Variants in CSMD2 observed in about 807,000 individuals in gnomAD.
The protein encoded by CSMD2 is CUB and Sushi multiple domains 2.
Under a neutral mutation model 398.5 loss-of-function variants are expected in CSMD2, and 130 were observed. That is an observed-to-expected ratio of 0.33 (90% CI 0.28 to 0.38). The LOEUF is 0.38. Ranked by LOEUF, CSMD2 falls within the 10% of genes least tolerant of loss-of-function variation. The pLI, the probability that CSMD2 is intolerant of heterozygous loss-of-function variation, is 1.00. For synonymous variants in CSMD2, 1,828 were observed against 1,908.5 expected, an observed-to-expected ratio of 0.96 and a Z score of 1.10; for missense variants, 3,829 against 4,764.9, an observed-to-expected ratio of 0.80 and a Z score of 5.78.
At chr1:34,057,733 C>G (rs575253391) in intron 2 of CSMD2, among the ~76,000 whole-genome samples, 1 of 152,210 alleles carries the variant, frequency 6.6e-6, no homozygotes, top group Non-Finnish European at 1.5e-5. Context: ...TCCAGCTCTG[C>G]CCACCCAGAC....
intron 6 of CSMD2, among the ~76,000 whole-genome samples, chr1:33,845,104 G>A (rs944185555): frequency 6.6e-6 from 1 of 152,018 alleles, no homozygotes; most frequent in Admixed American, 6.5e-5. Flanking sequence ...TTTTACAGTG[G>A]GGTGGGATGA....
intron 11 of CSMD2, among the ~76,000 whole-genome samples, chr1:33,790,691 CTATCTATCTATCATCT>C (rs558856411): frequency 6.0e-5 from 8 of 134,120 alleles, no homozygotes; most frequent in African/African-American, 2.5e-4. Context: ...ATCTATCTAT[CTATCTATCTATCATCT>C]ATCTGTCTAT....
At chr1:33,827,023 T>A (rs1430417948) in intron 6 of CSMD2, among the ~76,000 whole-genome samples, 3 of 152,166 alleles carry the variant, frequency 2.0e-5, no homozygotes, top group African/African-American at 7.2e-5. Context: ...ACACAATCCA[T>A]CAGAAAATCC....
intron 3 of CSMD2, among the ~76,000 whole-genome samples, chr1:33,959,660 C>T (rs974645529): frequency 6.6e-6 from 1 of 152,166 alleles, no homozygotes; most frequent in African/African-American, 2.4e-5. Context: ...TCAGGTGGCT[C>T]CTCACACCTG....
At chr1:34,072,756 C>T (rs938858146) in intron 2 of CSMD2, among the ~76,000 whole-genome samples, 6 of 152,090 alleles carry the variant, frequency 3.9e-5, no homozygotes, top group East Asian at 3.9e-4. Flanking sequence ...CTCAGGACCC[C>T]GACACTGCTG....
intron 27 of CSMD2, among the ~76,000 whole-genome samples, chr1:33,656,052 C>T (rs760058841): frequency 9.9e-5 from 15 of 151,110 alleles, no homozygotes; most frequent in Non-Finnish European, 5.9e-5. Flanking sequence ...CTCTCCTGGG[C>T]CTCAACAGAA....
In CSMD2 at chr1:33,889,782, T is replaced by C. The variant is rs909888297; in HGVS notation, c.920+28312A>G. On this transcript the variant is annotated intron_variant, in intron 5 of 70. Coordinates refer to ENST00000373381, the MANE Select transcript of CSMD2 (RefSeq NM_001281956.2). ...GTGTGTGTGTGTGTGTGTGTGTGTG[T>C]GTGCATGCGCCAGCGTGTGTGTGTG... is the stretch of plus-strand genomic sequence containing the variant. Among the ~76,000 whole-genome samples, 482 of 151,350 alleles carry C rather than the reference T, an allele frequency of 3.2e-3. 4 individuals carry two copies. The highest frequency in any genetic ancestry group is 0.011 in the African/African-American group (449 of 40,934).
At chr1:33,680,918 CTTTT>C (rs66489770) in intron 25 of CSMD2, among the ~76,000 whole-genome samples, 38 of 75,930 alleles carry the variant, frequency 5.0e-4, no homozygotes, top group Non-Finnish European at 7.9e-4. Context: ...CTGTTTTATG[CTTTT>C]TTTTTTTTTT....
intron 4 of CSMD2, among the ~76,000 whole-genome samples, chr1:33,920,457 G>A (rs1177029392): frequency 4.1e-5 from 6 of 146,152 alleles, no homozygotes; most frequent in East Asian, 4.1e-4. Context: ...CAGAAGAATC[G>A]CTTGAACCCA....
At chr1:33,738,063 C>T (rs1029229527) in intron 15 of CSMD2, among the ~76,000 whole-genome samples, 1 of 152,036 alleles carries the variant, frequency 6.6e-6, no homozygotes, top group African/African-American at 2.4e-5. Context: ...TGTCTCCCAT[C>T]GAGCCATTTG....
intron 22 of CSMD2, among the ~76,000 whole-genome samples, chr1:33,707,134 C>A (rs1284017441): frequency 6.6e-6 from 1 of 152,152 alleles, no homozygotes; most frequent in African/African-American, 2.4e-5. Context: ...GAATCTAGAC[C>A]CCCTTAGTGA....
chr1:33,856,698 T>C (rs1252112752), intron 5 of CSMD2, among the ~76,000 whole-genome samples: 2 of 151,972 alleles, frequency 1.3e-5, no homozygotes, highest in Non-Finnish European at 2.9e-5. Context: ...AGCTCTGATG[T>C]CCAGAAGAAT....
Position 33,571,588 on chromosome 1 carries a change from A to C in CSMD2, c.7901T>G (p.Ile2634Ser). The change falls in exon 51 of 71, where the codon ATC becomes AGC. Residue 2634 changes from isoleucine to serine, a missense_variant. By Grantham distance (142) the Ile-to-Ser change is moderately radical. This residue lies in a region of CSMD2 where 723 missense variants were observed against 758.6 expected (regional missense o/e 0.95). Transcript: ENST00000373381. Reference protein sequence around the residue: ...PGYYYTGQRVIRCQANGKWSL... With the variant: ...PGYYYTGQRVSRCQANGKWSL... The stretch of plus-strand genomic sequence containing the variant: ...CCATTTGCCATTGGCCTGACAGCGG[A>C]TGACCCTTTGGCCAGTATAGTAGTA... 1 of 1,551,496 alleles carries C rather than the reference A, an allele frequency of 6.4e-7. No individual in the cohort carries two copies. The highest frequency in any genetic ancestry group is 8.8e-7 in the Non-Finnish European group (1 of 1,137,738).
At chr1:33,782,554 A>G (rs1652916731) in intron 12 of CSMD2, among the ~76,000 whole-genome samples, 1 of 152,186 alleles carries the variant, frequency 6.6e-6, no homozygotes, top group Non-Finnish European at 1.5e-5. Context: ...CCCAACCCCA[A>G]ATCCTACAGG....
intron 1 of CSMD2, among the ~76,000 whole-genome samples, chr1:34,096,365 C>G (rs1659302707): frequency 6.6e-6 from 1 of 152,058 alleles, no homozygotes; most frequent in Non-Finnish European, 1.5e-5. Flanking sequence ...CAGGGATGCC[C>G]TCTCTCACCA....
chr1:34,053,428 C>T (rs77849722), intron 2 of CSMD2, among the ~76,000 whole-genome samples: 3,122 of 152,154 alleles, frequency 0.021, 65 homozygotes, highest in East Asian at 0.052. Flanking sequence ...CTTCTTGGGT[C>T]CCTCCTAGCA....
At chr1:33,934,495 C>A (rs914071593) in intron 4 of CSMD2, among the ~76,000 whole-genome samples, 1 of 152,148 alleles carries the variant, frequency 6.6e-6, no homozygotes, top group Non-Finnish European at 1.5e-5. Context: ...CATGGGAAAT[C>A]TTACAGTGTG....
intron 64 of CSMD2, 142 bp from the exon 65 acceptor site, chr1:33,527,400 T>G (rs2148544470): frequency 1.6e-6 from 1 of 627,238 alleles, no homozygotes; most frequent in Non-Finnish European, 2.8e-6. Flanking sequence ...GACCAGGAGG[T>G]AGACTGCTTT....
chr1:33,835,645 A>C (rs1660134726), intron 6 of CSMD2, among the ~76,000 whole-genome samples: 1 of 141,442 alleles, frequency 7.1e-6, no homozygotes, highest in South Asian at 2.4e-4. Context: ...TAAAACTTAA[A>C]GTATAATAAT....
Sources: gnomAD v4.1 joint callset for allele counts (sites outside exome capture counted in the v4.1 genomes callset) on GRCh38, gnomAD v4.1.1 for gene constraint, gnomAD v4.1.1 regional missense constraint, MANE v1.5 for transcripts, NCBI Gene and HGNC (gene_info 2026-07-23, HGNC 2026-07-21) for gene names.